ATCAY: variants seen among roughly 807,000 people sequenced by gnomAD.
The protein encoded by ATCAY is ATCAY kinesin light chain interacting caytaxin.
ATCAY carries 22 observed loss-of-function variants against 47.7 expected under a neutral mutation model. The ratio of observed to expected loss-of-function variants is 0.46; its 90% CI spans 0.33 to 0.66. The LOEUF is 0.66. ATCAY is among the 30% of genes least tolerant of loss of function. The pLI, the probability that ATCAY is intolerant of heterozygous loss-of-function variation, is 0.02. For missense variants in ATCAY, 452 were observed against 515.0 expected (o/e 0.88, Z 1.18); for synonymous variants, 216 against 207.6 (o/e 1.04, Z -0.35).
Position 3,925,607 on chromosome 19 carries a change from A to G in ATCAY, c.*1015A>G, listed in dbSNP as rs907888626. 1 of 152,228 alleles carries G rather than the reference A, an allele frequency of 6.6e-6. No homozygotes were observed. Among genetic ancestry groups the G allele is most frequent in the Non-Finnish European group, 1.5e-5 (1 of 68,038 alleles). 9.4% of individuals were successfully genotyped at this position (152,228 alleles called of 1,614,324 possible). On this transcript the variant is annotated 3_prime_UTR_variant, in exon 13 of 13. Coordinates refer to ENST00000450849, the MANE Select transcript of ATCAY (RefSeq NM_033064.5). This position sits in a 1 kb window ranked among gnomAD's most constrained non-coding sequence, Gnocchi z 4.4. ...ACCAGCGGGTTCTTGTTCGGGAGGC[A>G]AATTTCCCTAGGAAAAAGAAGACAG...
At chr19:3,894,341 G>A (rs1190479139) in intron 2 of ATCAY, among the ~76,000 whole-genome samples, 3 of 152,006 alleles carry the variant, frequency 2.0e-5, no homozygotes, top group Non-Finnish European at 4.4e-5. Context: ...AAAATTAGCT[G>A]GGCGTGGTGG....
chr19:3,916,258 T>C (rs1440793897), intron 9 of ATCAY, among the ~76,000 whole-genome samples: 2 of 152,190 alleles, frequency 1.3e-5, no homozygotes, highest in African/African-American at 4.8e-5. Flanking sequence ...AATATTCCAT[T>C]GCGTGAATGG....
chr19:3,887,695 C>A (rs544683250), intron 2 of ATCAY, among the ~76,000 whole-genome samples: 1 of 150,368 alleles, frequency 6.7e-6, no homozygotes, highest in Non-Finnish European at 1.5e-5. Flanking sequence ...ACCATGTTAG[C>A]CAGGATGGTC....
In ATCAY at chr19:3,925,695, C is replaced by T. The variant is rs2039060848; in HGVS notation, c.*1103C>T. 1 of 152,194 alleles carries T rather than the reference C, an allele frequency of 6.6e-6. No homozygotes were observed. The highest frequency in any genetic ancestry group is 1.5e-5 in the Non-Finnish European group (1 of 68,050). 9.4% of individuals were successfully genotyped at this position (152,194 alleles called of 1,614,324 possible). A position where few individuals can be genotyped will look rare whatever the true frequency, so the allele number is the denominator to read the frequency against. The stretch of plus-strand genomic sequence containing the variant: ...GATGGACTCTAGAAGCACTGAGCTC[C>T]CTGTCTCTGGAAGTATTTAAGAAAA... On this transcript the variant is annotated 3_prime_UTR_variant, in exon 13 of 13. Transcript: ENST00000450849. The surrounding 1 kb of genome is among the most constrained non-coding windows in gnomAD (Gnocchi z 4.4).
At chr19:3,921,021 G>A (rs770614383) in intron 12 of ATCAY, among the ~76,000 whole-genome samples, 1 of 152,062 alleles carries the variant, frequency 6.6e-6, no homozygotes, top group African/African-American at 2.4e-5. Context: ...CAGTCAGGCC[G>A]TCCTTGCACA....
At chr19:3,917,668 G>A (rs978685314) in intron 9 of ATCAY, 74 bp from the exon 10 acceptor site, 1 of 1,537,312 alleles carries the variant, frequency 6.5e-7, no homozygotes. Context: ...TGCTTGAAAA[G>A]GAAAGGGATT....
At chr19:3,883,761 T>A (rs1337724952) in intron 1 of ATCAY, among the ~76,000 whole-genome samples, 1 of 152,102 alleles carries the variant, frequency 6.6e-6, no homozygotes, top group Non-Finnish European at 1.5e-5. Flanking sequence ...GTTGGTTGAG[T>A]CATAAGATGC....
At chr19:3,892,725 T>G (rs1431584869) in intron 2 of ATCAY, among the ~76,000 whole-genome samples, 1 of 152,040 alleles carries the variant, frequency 6.6e-6, no homozygotes, top group African/African-American at 2.4e-5. Context: ...TAGGCCAACA[T>G]GGTGAAACCC....
At position 3,887,185 on chromosome 19, in the gene ATCAY, G is replaced by A. The variant is rs181557090; in HGVS notation, c.77+1341G>A. ...ATAAGAAATCACAGGGGCTGGGCACGGTGGCTCACGCCTATGATCCCAGCA... is the reference window on the plus strand; with the variant it reads ...ATAAGAAATCACAGGGGCTGGGCACAGTGGCTCACGCCTATGATCCCAGCA... On this transcript the variant is annotated intron_variant, in intron 2 of 12. Coordinates refer to ENST00000450849, the MANE Select transcript of ATCAY (RefSeq NM_033064.5). Among the ~76,000 whole-genome samples the A allele has an allele frequency of 3.5e-4, 53 of 152,136 alleles. No individual in the cohort carries two copies. In the East Asian group the frequency reaches 4.1e-3, roughly 12 times the overall value.
Position 3,907,779 on chromosome 19 carries a change from C to T in ATCAY, c.404C>T (p.Ala135Val), listed in dbSNP as rs773910189. Reference protein sequence around the residue: ...ATAKNMPGDSADLFGDGTTED... With the variant: ...ATAKNMPGDSVDLFGDGTTED... Reference sequence around the variant, plus strand: ...GCCAAGAACATGCCCGGGGACAGCGCGGATCTATTTGGGGACGGCACGACG... The same window carrying T: ...GCCAAGAACATGCCCGGGGACAGCGTGGATCTATTTGGGGACGGCACGACG... The change falls in exon 5 of 13, where the codon GCG becomes GTG. Residue 135 changes from alanine (A) to valine (V), a missense_variant. Physicochemically the swap from Ala to Val is moderately conservative, Grantham distance 64. Coordinates refer to ENST00000450849, the MANE Select transcript of ATCAY (RefSeq NM_033064.5). This position sits in a 1 kb window ranked among gnomAD's most constrained non-coding sequence, Gnocchi z 5.1. 2.4e-5 allele frequency: 38 copies of T among 1,613,892 alleles called. No homozygotes were observed. The highest frequency in any genetic ancestry group is 5.5e-5 in the South Asian group (5 of 91,092).
chr19:3,909,950 G>C (rs937473970), intron 7 of ATCAY, among the ~76,000 whole-genome samples: 1 of 152,122 alleles, frequency 6.6e-6, no homozygotes, highest in Non-Finnish European at 1.5e-5. Flanking sequence ...TTAGCTGGGC[G>C]TGGTGGCGCA....
At chr19:3,922,216 T>G (rs1271777310) in intron 12 of ATCAY, 10 of 701,372 alleles carry the variant, frequency 1.4e-5, no homozygotes, top group Non-Finnish European at 1.8e-5. Context: ...CAACCCTAAG[T>G]CACGTTGTGA....
intron 2 of ATCAY, among the ~76,000 whole-genome samples, chr19:3,892,115 A>G (rs1044653618): frequency 4.0e-5 from 6 of 151,448 alleles, no homozygotes; most frequent in Non-Finnish European, 8.8e-5. Context: ...GTCTCGAACT[A>G]CTGACCTCAA....
At chr19:3,887,509 CAG>C (rs961545450) in intron 2 of ATCAY, among the ~76,000 whole-genome samples, 42 of 150,368 alleles carry the variant, frequency 2.8e-4, no homozygotes, top group African/African-American at 1.0e-3. Context: ...ATTTTTGAGA[CAG>C]AGTGTCGCTT....
intron 1 of ATCAY, among the ~76,000 whole-genome samples, chr19:3,881,917 C>T (rs1487553114): frequency 1.7e-5 from 2 of 117,960 alleles, no homozygotes; most frequent in African/African-American, 6.7e-5. Flanking sequence ...TTTTTCCATG[C>T]TGCGTGTTAC....
chr19:3,894,153 G>T (rs1278400066), intron 2 of ATCAY, among the ~76,000 whole-genome samples: 1 of 151,980 alleles, frequency 6.6e-6, no homozygotes, highest in Non-Finnish European at 1.5e-5. Flanking sequence ...AGGAGTTCAA[G>T]ACCAGCCTGC....
chr19:3,903,170 A>T (rs914055801), intron 3 of ATCAY, among the ~76,000 whole-genome samples: 1 of 151,958 alleles, frequency 6.6e-6, no homozygotes, highest in Non-Finnish European at 1.5e-5. Context: ...AATGGGATCT[A>T]GCTATGTTGC....
Position 3,910,878 on chromosome 19 carries a change from C to T in ATCAY, c.855C>T (p.Arg285=). ...TTCGGACTGTGCTGGCCATCTCTCG[C>T]CCTTTCATCAGGTGAGACGGGGAGG... is the stretch of plus-strand genomic sequence containing the variant. The part of the protein sequence containing the change: ...WFIRTVLAIS[R]PFISVKFINK... The change falls in exon 8 of 13, where the codon CGC becomes CGT. Residue 285 remains arginine, a synonymous_variant. Transcript: ENST00000450849. 1.9e-6 allele frequency: 3 copies of T among 1,614,014 alleles called. No homozygotes were observed. The highest frequency in any genetic ancestry group is 2.5e-6 in the Non-Finnish European group (3 of 1,179,890).
chr19:3,920,822 T>C, intron 12 of ATCAY, 24 bp downstream of exon 12: 1 of 1,613,116 alleles, frequency 6.2e-7, no homozygotes, highest in Non-Finnish European at 8.5e-7. Flanking sequence ...AGAGTGGTCT[T>C]CGTGCTGTTT....
Sources: gnomAD v4.1 joint callset for allele counts (sites outside exome capture counted in the v4.1 genomes callset) on GRCh38, gnomAD v4.1.1 for gene constraint, Gnocchi (gnomAD v3.1) non-coding constraint, MANE v1.5 for transcripts, NCBI Gene and HGNC (gene_info 2026-07-23, HGNC 2026-07-21) for gene names.